NUP188: variants seen among roughly 807,000 people sequenced by gnomAD.
NUP188 encodes the protein nucleoporin NUP188.
In NUP188, 97 loss-of-function variants were observed where a neutral mutation model predicts 223.0. That is an observed-to-expected ratio of 0.43 (90% CI 0.37 to 0.51). NUP188 has a LOEUF of 0.51. Ranked by LOEUF, NUP188 falls within the 20% of genes least tolerant of loss-of-function variation. NUP188 has a pLI of 0.00. For synonymous variants in NUP188, 869 were observed against 828.0 expected, an observed-to-expected ratio of 1.05 and a Z score of -0.85; for missense variants, 1,947 against 2,175.6, an observed-to-expected ratio of 0.89 and a Z score of 2.09.
Position 128,993,647 on chromosome 9 carries a change from T to C in NUP188, c.2970T>C (p.Ala990=), listed in dbSNP as rs539451472. 1 of 1,614,182 alleles carries C rather than the reference T, an allele frequency of 6.2e-7. No homozygotes were observed. The highest frequency in any genetic ancestry group is 1.1e-5 in the South Asian group (1 of 91,086). The change falls in exon 27 of 44, where the codon GCT becomes GCC. Residue 990 remains alanine, a synonymous_variant. Coordinates refer to ENST00000372577, the MANE Select transcript of NUP188 (RefSeq NM_015354.3). ...GTGCCGCCATTGCCTTTTTGCATGC[T>C]CTGTGGCAGGATCGGAGGGACAGTG... is the stretch of plus-strand genomic sequence containing the variant. ...LHRAAIAFLH[A]LWQDRRDSAM...
At chr9:128,983,270 A>T (rs775644167) in intron 17 of NUP188, 23 bp from the exon 18 acceptor site, 2 of 1,597,154 alleles carry the variant, frequency 1.3e-6, no homozygotes, top group Non-Finnish European at 1.7e-6. Context: ...TTTATTGAGT[A>T]TAGTGTATTG....
intron 12 of NUP188, among the ~76,000 whole-genome samples, chr9:128,976,620 G>A (rs1045266349): frequency 6.6e-6 from 1 of 151,784 alleles, no homozygotes; most frequent in Non-Finnish European, 1.5e-5. Context: ...GCAGTGAGCT[G>A]AGACTGTGAC....
chr9:128,956,541 A>G, intron 4 of NUP188, 107 bp downstream of exon 4: 1 of 611,718 alleles, frequency 1.6e-6, no homozygotes, highest in Non-Finnish European at 2.7e-6. Context: ...TTGGGGATTA[A>G]ATTGTTTTAT....
chr9:128,981,321 C>T lies in NUP188; in HGVS notation c.1447C>T (p.His483Tyr). ...CAATGAACTTTATAAACACAAGCCTCATGATGTGATCTCCCATGAAGATGG... is the reference window on the plus strand; with the variant it reads ...CAATGAACTTTATAAACACAAGCCTTATGATGTGATCTCCCATGAAGATGG... ...FYNELYKHKPHDVISHEDGTL... is the reference protein window; with the variant it reads ...FYNELYKHKPYDVISHEDGTL... The change falls in exon 15 of 44, where the codon CAT becomes TAT. Residue 483 changes from histidine to tyrosine, a missense_variant. His to Tyr is a moderately conservative substitution (Grantham distance 83). This residue lies in a region of NUP188 where 817 missense variants were observed against 865.8 expected (regional missense o/e 0.94). Coordinates refer to ENST00000372577, the MANE Select transcript of NUP188 (RefSeq NM_015354.3). 1 of 1,613,992 alleles carries T rather than the reference C, an allele frequency of 6.2e-7. No homozygotes were observed. Among genetic ancestry groups the T allele is most frequent in the Non-Finnish European group, 8.5e-7 (1 of 1,179,878 alleles).
At position 129,006,370 on chromosome 9, in the gene NUP188, T is replaced by TA. The variant is rs1438932627; in HGVS notation, c.5073+3dup. 6.2e-6 allele frequency: 10 copies of TA among 1,614,066 alleles called. No homozygotes were observed. Among genetic ancestry groups the TA allele is most frequent in the Non-Finnish European group, 8.5e-6 (10 of 1,179,998 alleles). ...AAGCAGGAGCTCAGCTCTGAGTTGG[T>TA]ACGGATGGATAGGGATACGGAGGGC... is the stretch of plus-strand genomic sequence containing the variant. On this transcript the variant is annotated splice_region_variant and intron_variant, in intron 43 of 43. Transcript: ENST00000372577.
chr9:128,962,551 C>G (rs1841970710), intron 8 of NUP188, among the ~76,000 whole-genome samples: 1 of 151,948 alleles, frequency 6.6e-6, no homozygotes, highest in South Asian at 2.1e-4. Flanking sequence ...GCCCGGCACA[C>G]CATATTCTTG....
At chr9:129,003,128 A>G (rs1316481892) in intron 37 of NUP188, among the ~76,000 whole-genome samples, 153 bp downstream of exon 37, 1 of 152,144 alleles carries the variant, frequency 6.6e-6, no homozygotes, top group Non-Finnish European at 1.5e-5. Flanking sequence ...CTGCTGGCTC[A>G]CTGGCCAGCT....
In NUP188 at chr9:129,006,235, C is replaced by A; in HGVS notation, c.4944-4C>A. 6.2e-7 allele frequency: 1 copy of A among 1,614,172 alleles called. No homozygotes were observed. ...CAGTACCAAAAACCTGTGTCTCCTC[C>A]CAGGTCCCTCCTGATGTTTACCATG... On this transcript the variant is annotated splice_region_variant and splice_polypyrimidine_tract_variant and intron_variant, in intron 42 of 43. Coordinates refer to ENST00000372577, the MANE Select transcript of NUP188 (RefSeq NM_015354.3).
intron 13 of NUP188, among the ~76,000 whole-genome samples, chr9:128,979,749 C>T (rs1564558227): frequency 6.6e-6 from 1 of 152,188 alleles, no homozygotes; most frequent in African/African-American, 2.4e-5. Context: ...TCTCCTGCCT[C>T]AGCCTCCCAA....
chr9:128,984,870 C>A, intron 19 of NUP188, 30 bp from the exon 20 acceptor site: 2 of 1,458,652 alleles, frequency 1.4e-6, no homozygotes, highest in Non-Finnish European at 1.9e-6. Context: ...ATTTCCCTAT[C>A]ATTTTTTTTC....
In NUP188 at chr9:128,968,707, G is replaced by T. The variant is rs764492751; in HGVS notation, c.787G>T (p.Asp263Tyr). 2 of 1,613,180 alleles carry T rather than the reference G, an allele frequency of 1.2e-6. No individual in the cohort carries two copies. Among genetic ancestry groups the T allele is most frequent in the Non-Finnish European group, 1.7e-6 (2 of 1,179,120 alleles). The change falls in exon 9 of 44, where the codon GAT (aspartate) becomes TAT (tyrosine). Residue 263 changes from aspartate (D) to tyrosine (Y), a missense_variant. Asp to Tyr is a radical substitution (Grantham distance 160). Around this residue, in one of 3 missense-constraint regions of NUP188, gnomAD observed 817 missense variants for 865.8 expected, o/e 0.94. Coordinates refer to ENST00000372577, the MANE Select transcript of NUP188 (RefSeq NM_015354.3). ...GGATGAGACTATGGATCCTTTTGTA[G>T]ATCGGATTGGGTAAGTCAGTGAATT... ...LVDETMDPFVDRIGYFSALIL... is the reference protein window; with the variant it reads ...LVDETMDPFVYRIGYFSALIL...
chr9:128,980,090 A>G lies in NUP188; in HGVS notation c.1270-516A>G, dbSNP rs1006582814. The stretch of plus-strand genomic sequence containing the variant: ...TGAGAATTTGGCTTTGAAAAGAACA[A>G]TTTCTCACCAGTACTTGCTCTGAGC... On this transcript the variant is annotated intron_variant, in intron 13 of 43. Transcript: ENST00000372577. Among the ~76,000 whole-genome samples, 7 of 152,294 alleles carry G rather than the reference A, an allele frequency of 4.6e-5. No homozygotes were observed. The East Asian group carries it at 7.7e-4, about 17-fold the overall frequency.
At chr9:129,006,148 T>C (rs1185635784) in intron 42 of NUP188, 25 bp downstream of exon 42, 1 of 1,614,066 alleles carries the variant, frequency 6.2e-7, no homozygotes, top group Admixed American at 1.7e-5. Context: ...TGGGATTTGA[T>C]AAGGGGCTGG....
chr9:128,998,472 A>G, intron 31 of NUP188, 66 bp from the exon 32 acceptor site: 2 of 1,369,386 alleles, frequency 1.5e-6, no homozygotes, highest in East Asian at 2.3e-5. Flanking sequence ...ATGAGGCCGG[A>G]GGTGCCCTGT....
Position 128,982,636 on chromosome 9 carries a change from C to T in NUP188, c.1604C>T (p.Ser535Phe), listed in dbSNP as rs755417836. 34 of 1,614,086 alleles carry T rather than the reference C, an allele frequency of 2.1e-5. No individual in the cohort carries two copies. Among genetic ancestry groups the T allele is most frequent in the Non-Finnish European group, 2.9e-5 (34 of 1,179,996 alleles). Residue 535 changes from serine to phenylalanine, a missense_variant, in exon 16 of 44, where the codon TCC (serine) becomes TTC (phenylalanine). Physicochemically the swap from Ser to Phe is radical, Grantham distance 155 (BLOSUM62 -2). Around this residue, in one of 3 missense-constraint regions of NUP188, gnomAD observed 817 missense variants for 865.8 expected, o/e 0.94. Transcript: ENST00000372577. Reference protein sequence around the residue: ...DRAYLVRWEYSYSSWTLFTCE... With the variant: ...DRAYLVRWEYFYSSWTLFTCE... Reference sequence around the variant, plus strand: ...GCATACCTGGTACGCTGGGAATACTCCTATAGCAGCTGGACCCTCTTTACC... The same window carrying T: ...GCATACCTGGTACGCTGGGAATACTTCTATAGCAGCTGGACCCTCTTTACC...
At chr9:128,966,128 CGTGTGTGTGTGTGTGTGTGTGT>C (rs34851120) in intron 8 of NUP188, among the ~76,000 whole-genome samples, 1 of 136,750 alleles carries the variant, frequency 7.3e-6, no homozygotes, top group Non-Finnish European at 1.6e-5. Context: ...TTTCTGCCTC[CGTGTGTGTGTGTGTGTGTGTGT>C]GTGTGTGTGT....
intron 24 of NUP188, among the ~76,000 whole-genome samples, chr9:128,989,535 C>G (rs1234413867): frequency 1.3e-5 from 2 of 151,498 alleles, no homozygotes; most frequent in Non-Finnish European, 2.9e-5. Flanking sequence ...CCCATCTCTA[C>G]TAAAAATACA....
At position 129,001,915 on chromosome 9, in the gene NUP188, C is replaced by T; in HGVS notation, c.4076C>T (p.Thr1359Ile). ...ACAGCAGTGGCTGGAGCTGGCATCA[C>T]CCAGAGCATTTGTTTGCCCCTTCTG... ...GATAVAGAGI[T>I]QSICLPLLSV... is the part of the protein sequence containing the mutation. The change falls in exon 36 of 44, where the codon ACC (threonine) becomes ATC (isoleucine). Residue 1359 changes from threonine (T) to isoleucine (I), a missense_variant. By Grantham distance (89) the Thr-to-Ile change is moderately conservative. Transcript: ENST00000372577. 2.5e-6 allele frequency: 4 copies of T among 1,614,166 alleles called. No individual in the cohort carries two copies. Among genetic ancestry groups the T allele is most frequent in the Non-Finnish European group, 3.4e-6 (4 of 1,180,010 alleles).
intron 8 of NUP188, among the ~76,000 whole-genome samples, chr9:128,965,414 T>C (rs1842014372): frequency 6.6e-6 from 1 of 152,178 alleles, no homozygotes; most frequent in Non-Finnish European, 1.5e-5. Context: ...CTCTTACTCA[T>C]TTCTGATAAT....
Sources: allele counts gnomAD v4.1 joint callset (sites outside exome capture counted in the v4.1 genomes callset), GRCh38; gene constraint gnomAD v4.1.1; regional missense constraint gnomAD v4.1.1; transcripts MANE v1.5; gene names NCBI Gene and HGNC (gene_info 2026-07-23, HGNC 2026-07-21).